Variants in RRM2 observed in about 807,000 individuals in gnomAD.
The protein encoded by RRM2 is ribonucleoside-diphosphate reductase subunit M2.
In RRM2, 6 loss-of-function variants were observed where a neutral mutation model predicts 45.9. The ratio of observed to expected loss-of-function variants is 0.13; its 90% CI spans 0.07 to 0.26. The LOEUF is 0.26. Ranked by LOEUF, RRM2 falls within the 10% of genes least tolerant of loss-of-function variation. The pLI, the probability that RRM2 is intolerant of heterozygous loss-of-function variation, is 1.00. For synonymous variants in RRM2, 177 were observed against 173.0 expected (o/e 1.02, Z -0.18); for missense variants, 343 against 489.5 (o/e 0.70, Z 2.82).
At chr2:10,158,801 G>A (rs1453435772) in intron 3 of RRM2, among the ~76,000 whole-genome samples, 1 of 151,832 alleles carries the variant, frequency 6.6e-6, no homozygotes, top group South Asian at 2.1e-4. Flanking sequence ...CCCAGCTGGG[G>A]AACAGCTGGG....
chr2:10,123,257 G>A (rs1349506586), intron 2 of RRM2, 130 bp from the exon 3 acceptor site: 2 of 1,319,180 alleles, frequency 1.5e-6, no homozygotes, highest in Non-Finnish European at 2.0e-6. Context: ...CCCACGGAGT[G>A]CGACGGGACA....
chr2:10,164,865 C>CG (rs917260458), intron 3 of RRM2, among the ~76,000 whole-genome samples: 1 of 152,168 alleles, frequency 6.6e-6, no homozygotes, highest in African/African-American at 2.4e-5. Flanking sequence ...GCCAGGCGCA[C>CG]GGGGGAAGGC....
chr2:10,124,053 C>A, intron 4 of RRM2: 1 of 556,484 alleles, frequency 1.8e-6, no homozygotes, highest in Non-Finnish European at 3.2e-6. Context: ...GAAGCTGAGA[C>A]AATATTAAGT....
intron 3 of RRM2, among the ~76,000 whole-genome samples, chr2:10,191,606 C>T (rs150317087): frequency 2.4e-4 from 37 of 152,152 alleles, no homozygotes; most frequent in Admixed American, 1.4e-3. Context: ...GGAGCAGGGG[C>T]GGGAGAGAAG....
chr2:10,145,629 C>G (rs114900020), intron 3 of RRM2: 2,700 of 152,312 alleles, frequency 0.018, 81 homozygotes, highest in African/African-American at 0.062. Flanking sequence ...AGACAGTGGG[C>G]CTGGGGCAGA....
intron 3 of RRM2, among the ~76,000 whole-genome samples, chr2:10,152,007 G>T (rs2125315484): frequency 6.6e-6 from 1 of 151,542 alleles, no homozygotes; most frequent in Middle Eastern, 3.4e-3. Context: ...GGAGTACTGT[G>T]GCCCCATCTC....
At chr2:10,163,982 G>A (rs952500567) in intron 3 of RRM2, among the ~76,000 whole-genome samples, 1 of 151,792 alleles carries the variant, frequency 6.6e-6, no homozygotes, top group Admixed American at 6.6e-5. Flanking sequence ...CATTTCCCTC[G>A]AGCTAAAGCA....
upstream of RRM2, chr2:10,141,339 AC>A (rs573035533): frequency 8.2e-5 from 7 of 84,940 alleles, no homozygotes; most frequent in African/African-American, 2.7e-4. Context: ...CCCTCCCCCC[AC>A]CCCCATGTCT....
chr2:10,182,844 G>C (rs1351071072), intron 3 of RRM2, among the ~76,000 whole-genome samples: 1 of 152,100 alleles, frequency 6.6e-6, no homozygotes, highest in Non-Finnish European at 1.5e-5. Flanking sequence ...ACACATCCAT[G>C]CAAGGAAATA....
At chr2:10,179,054 GA>G (rs1454895638) in intron 3 of RRM2, among the ~76,000 whole-genome samples, 1 of 101,972 alleles carries the variant, frequency 9.8e-6, no homozygotes, top group Non-Finnish European at 2.0e-5. Context: ...ATAGCAGCTG[GA>G]ACAGACTAAG....
intron 3 of RRM2, among the ~76,000 whole-genome samples, chr2:10,186,314 A>ATTTTTT (rs60113793): frequency 6.9e-6 from 1 of 145,612 alleles, no homozygotes. Flanking sequence ...TGCCCAGCTA[A>ATTTTTT]TTTTTTTTTT....
Position 10,161,967 on chromosome 2 carries a change from C to T in RRM2, n.482+19592C>T, listed in dbSNP as rs143045228. On this transcript the variant is annotated intron_variant and non_coding_transcript_variant, in intron 3 of 3. Transcript: ENST00000381786. ...CAGAAAACCGGGAGAGGGGAGAGAA[C>T]AGCCACTAGGGCGAGGACAGAGCGC... 5.9e-3 allele frequency among the ~76,000 whole-genome samples: 897 copies of T among 152,338 alleles called. 9 individuals are homozygous for T. The highest frequency in any genetic ancestry group is 0.02 in the African/African-American group (847 of 41,578).
intron 3 of RRM2, among the ~76,000 whole-genome samples, chr2:10,173,698 G>C (rs1013270233): frequency 6.6e-6 from 1 of 152,274 alleles, no homozygotes; most frequent in African/African-American, 2.4e-5. Flanking sequence ...CTCCTTCTGG[G>C]CTTCTGATGG....
Position 10,200,702 on chromosome 2 carries a change from C to T in RRM2, n.483-9609C>T, listed in dbSNP as rs1052308294. 8.6e-5 allele frequency among the ~76,000 whole-genome samples: 12 copies of T among 138,778 alleles called. 1 individual carries two copies. The highest frequency in any genetic ancestry group is 5.0e-5 in the Non-Finnish European group (3 of 60,518). The allele number at this position is 138,778 out of a possible 152,430, so 91.0% of individuals were successfully genotyped here. On this transcript the variant is annotated intron_variant and non_coding_transcript_variant, in intron 3 of 3. Transcript: ENST00000381786. ...CTGCGCGCACAAATTATGAGTCCCA[C>T]GGGGACCGCGCACACAAAATATGAG...
upstream of RRM2, among the ~76,000 whole-genome samples, chr2:10,139,317 A>T (rs1161887229): frequency 6.6e-6 from 1 of 152,220 alleles, no homozygotes; most frequent in African/African-American, 2.4e-5. Context: ...TTATTGGCAA[A>T]GGCACTGGCT....
At chr2:10,174,470 A>G (rs1003187) in intron 3 of RRM2, among the ~76,000 whole-genome samples, 87,143 of 151,714 alleles carry the variant, frequency 0.57, 26,719 homozygotes, top group Non-Finnish European at 0.69. Context: ...GCAGGCCCAC[A>G]AGCGAGCGCC....
At chr2:10,199,790 A>ACAACAAAAAAAC (rs1553329361) in intron 3 of RRM2, among the ~76,000 whole-genome samples, 1 of 71,814 alleles carries the variant, frequency 1.4e-5, no homozygotes, top group Non-Finnish European at 3.4e-5. Context: ...AAAAAAAAAA[A>ACAACAAAAAAAC]AAAAAAAAAA....
rs1356236061 is a variant in RRM2, at chr2:10,171,978, GT to G, written n.482+29606del. 1.3e-5 allele frequency among the ~76,000 whole-genome samples: 2 copies of G among 152,180 alleles called. No homozygotes were observed. The highest frequency in any genetic ancestry group is 4.8e-5 in the African/African-American group (2 of 41,442). Reference sequence around the variant, plus strand: ...GAAAACTTAGGAGACGGTGCTGCTTGTTTAGAAAACCGGGCAGAGGAGCCCT... The same window carrying G: ...GAAAACTTAGGAGACGGTGCTGCTTGTTAGAAAACCGGGCAGAGGAGCCCT... On this transcript the variant is annotated intron_variant and non_coding_transcript_variant, in intron 3 of 3. Transcript: ENST00000381786. The surrounding 1 kb of genome is among the most constrained non-coding windows in gnomAD (Gnocchi z 4.1).
At chr2:10,124,073 G>A (rs1282947894) in intron 4 of RRM2, 1 of 518,094 alleles carries the variant, frequency 1.9e-6, no homozygotes, top group African/African-American at 2.0e-5. Flanking sequence ...TGGTAGCAAT[G>A]TGATGACTCT....
Sources: gnomAD v4.1 joint callset for allele counts (sites outside exome capture counted in the v4.1 genomes callset) on GRCh38, gnomAD v4.1.1 for gene constraint, Gnocchi (gnomAD v3.1) non-coding constraint, MANE v1.5 for transcripts, NCBI Gene and HGNC (gene_info 2026-07-23, HGNC 2026-07-21) for gene names.